The following ATP8A1 variants were observed in gnomAD, a reference collection of about 807,000 sequenced individuals.
ATP8A1 encodes the protein ATPase phospholipid transporting 8A1, also known as phospholipid-transporting ATPase IA.
ATP8A1 carries 90 observed loss-of-function variants against 177.7 expected under a neutral mutation model. The ratio of observed to expected loss-of-function variants is 0.51; its 90% CI spans 0.43 to 0.60. ATP8A1 has a LOEUF of 0.60. Ranked by LOEUF, ATP8A1 falls within the 20% of genes least tolerant of loss-of-function variation. The pLI, the probability that ATP8A1 is intolerant of heterozygous loss-of-function variation, is 0.00. For missense variants in ATP8A1, 1,072 were observed against 1,392.8 expected (o/e 0.77, Z 3.67); for synonymous variants, 493 against 485.9 (o/e 1.01, Z -0.19).
chr4:42,413,748 G>T (rs575665944), intron 36 of ATP8A1, among the ~76,000 whole-genome samples: 2 of 152,164 alleles, frequency 1.3e-5, no homozygotes, highest in South Asian at 4.2e-4. Flanking sequence ...GACTCACAGC[G>T]GGCTGAATCC....
At chr4:42,523,678 C>A (rs1258609571) in intron 21 of ATP8A1, among the ~76,000 whole-genome samples, 1 of 152,124 alleles carries the variant, frequency 6.6e-6, no homozygotes, top group Non-Finnish European at 1.5e-5. Flanking sequence ...GTATCTTTAA[C>A]ATCACATCTA....
intron 5 of ATP8A1, among the ~76,000 whole-genome samples, chr4:42,605,768 C>T (rs569801565): frequency 9.6e-4 from 146 of 152,222 alleles, no homozygotes; most frequent in Non-Finnish European, 1.9e-3. Context: ...TTCTCCTCTC[C>T]ACCCAAATGT....
At position 42,443,725 on chromosome 4, in the gene ATP8A1, AAATACT is replaced by A. The variant is rs1716895864; in HGVS notation, c.3016-59_3016-54del. On this transcript the variant is annotated intron_variant, in intron 32 of 36. Coordinates refer to ENST00000381668, the MANE Select transcript of ATP8A1 (RefSeq NM_006095.2). ...AAAGTTTTATGTAGACCGAGTACAC[AAATACT>A]AATGAAACTCTCTCAAATTCCCTTA... The A allele has an allele frequency of 3.8e-6, 3 of 790,808 alleles. No homozygotes were observed. In the African/African-American group the frequency reaches 5.1e-5, roughly 13 times the overall value. The allele number at this position is 790,808 out of a possible 1,614,324, so 49.0% of individuals were successfully genotyped here. A position where few individuals can be genotyped will look rare whatever the true frequency, so the allele number is the denominator to read the frequency against.
chr4:42,588,447 T>A, intron 7 of ATP8A1, 118 bp from the exon 8 acceptor site: 1 of 743,630 alleles, frequency 1.3e-6, no homozygotes, highest in Non-Finnish European at 2.1e-6. Context: ...AATAGTTACT[T>A]AGCTTCTTGA....
At chr4:42,447,186 CTATT>C (rs1251124550) in intron 30 of ATP8A1, among the ~76,000 whole-genome samples, 5 of 151,970 alleles carry the variant, frequency 3.3e-5, no homozygotes, top group African/African-American at 7.2e-5. Flanking sequence ...GGCTTTATTT[CTATT>C]TATTTATTTT....
At chr4:42,620,885 A>C (rs572134857) in intron 4 of ATP8A1, among the ~76,000 whole-genome samples, 64 of 152,286 alleles carry the variant, frequency 4.2e-4, no homozygotes, top group Admixed American at 6.5e-4. Flanking sequence ...TGACCTCTCT[A>C]AGCCTCAGCT....
chr4:42,504,813 C>T (rs965454680), intron 23 of ATP8A1, among the ~76,000 whole-genome samples: 11 of 152,250 alleles, frequency 7.2e-5, no homozygotes, highest in Non-Finnish European at 1.6e-4. Context: ...AATGCAGAGT[C>T]CTGACAGTGG....
intron 33 of ATP8A1, among the ~76,000 whole-genome samples, chr4:42,437,552 T>C (rs931601940): frequency 3.9e-5 from 6 of 152,202 alleles, no homozygotes; most frequent in African/African-American, 1.4e-4. Flanking sequence ...TCCTAAATGA[T>C]TTCTTATTGT....
chr4:42,560,943 T>C (rs1223383673), intron 15 of ATP8A1, among the ~76,000 whole-genome samples: 1 of 152,158 alleles, frequency 6.6e-6, no homozygotes, highest in Non-Finnish European at 1.5e-5. Flanking sequence ...AAATTCAGGT[T>C]CTGAGTTCTC....
intron 6 of ATP8A1, chr4:42,594,210 T>A: frequency 1.3e-6 from 1 of 756,594 alleles, no homozygotes; most frequent in Non-Finnish European, 2.2e-6. Flanking sequence ...ATTCCTTATT[T>A]CCTTGGAGAA....
At chr4:42,656,758 C>G (rs1185712993) in intron 1 of ATP8A1, 67 bp downstream of exon 1, 1 of 1,433,890 alleles carries the variant, frequency 7.0e-7, no homozygotes, top group African/African-American at 1.5e-5. Flanking sequence ...CCAGGATAAA[C>G]ACACACGCTC....
At chr4:42,522,541 T>C (rs904231209) in intron 21 of ATP8A1, among the ~76,000 whole-genome samples, 2 of 152,186 alleles carry the variant, frequency 1.3e-5, no homozygotes, top group African/African-American at 4.8e-5. Context: ...CCATGCATAG[T>C]GTGGCGTTTC....
At chr4:42,521,442 C>T (rs1229635330) in intron 22 of ATP8A1, among the ~76,000 whole-genome samples, 3 of 152,090 alleles carry the variant, frequency 2.0e-5, no homozygotes, top group Non-Finnish European at 4.4e-5. Flanking sequence ...TGAACAGCAC[C>T]TGGCACACGG....
At chr4:42,652,253 A>C (rs1049257266) in intron 1 of ATP8A1, among the ~76,000 whole-genome samples, 1 of 152,164 alleles carries the variant, frequency 6.6e-6, no homozygotes, top group African/African-American at 2.4e-5. Context: ...TGTAATGGAA[A>C]TTTCCTCAAA....
intron 5 of ATP8A1, among the ~76,000 whole-genome samples, chr4:42,613,606 TAG>T (rs1295822908): frequency 3.9e-5 from 6 of 152,150 alleles, no homozygotes; most frequent in African/African-American, 1.4e-4. Context: ...TTTTTTAAGA[TAG>T]AGTCTCTCTC....
At chr4:42,639,908 C>T (rs58364556) in intron 1 of ATP8A1, among the ~76,000 whole-genome samples, 13 of 152,160 alleles carry the variant, frequency 8.5e-5, no homozygotes, top group Admixed American at 2.0e-4. Context: ...AATCATCTCT[C>T]GATTACTTAT....
At chr4:42,494,941 T>C (rs1335122963) in intron 24 of ATP8A1, among the ~76,000 whole-genome samples, 2 of 152,256 alleles carry the variant, frequency 1.3e-5, no homozygotes, top group Non-Finnish European at 2.9e-5. Context: ...AATAAATGTT[T>C]ACTGGGAGTA....
rs1732881396 is a variant in ATP8A1 at position 42,580,103 on chromosome 4, A to T, written c.835-125T>A. On this transcript the variant is annotated intron_variant, in intron 10 of 36. Transcript: ENST00000381668. ...TCTAGATGTGGGTGGATACGTGAAA[A>T]TTATGTGAAACCCATGACAAATGTA... 4.1e-6 allele frequency: 3 copies of T among 723,726 alleles called. No individual in the cohort carries two copies. The African/African-American group carries it at 5.6e-5, about 13-fold the overall frequency. The allele number at this position is 723,726 out of a possible 1,614,324, so 44.8% of individuals were successfully genotyped here.
intron 15 of ATP8A1, among the ~76,000 whole-genome samples, chr4:42,567,710 C>CA (rs1731496906): frequency 6.6e-6 from 1 of 152,048 alleles, no homozygotes; most frequent in Non-Finnish European, 1.5e-5. Context: ...TCAAGTTTTC[C>CA]AAAAGGGTGT....
Sources: gnomAD v4.1 joint callset for allele counts (sites outside exome capture counted in the v4.1 genomes callset) on GRCh38, gnomAD v4.1.1 for gene constraint, MANE v1.5 for transcripts, NCBI Gene and HGNC (gene_info 2026-07-23, HGNC 2026-07-21) for gene names.